Variants in EYA1 observed in about 807,000 individuals in gnomAD.
The protein encoded by EYA1 is protein phosphatase EYA1.
Under a neutral mutation model 82.0 loss-of-function variants are expected in EYA1, and 16 were observed. The ratio of observed to expected loss-of-function variants is 0.20; its 90% confidence interval spans 0.13 to 0.30. The LOEUF is 0.30. Among genes scored for constraint, EYA1 ranks in the 10% least tolerant of loss-of-function variants. EYA1 has a pLI of 1.00. For missense variants in EYA1, 633 were observed against 730.7 expected (o/e 0.87, Z 1.54); for synonymous variants, 261 against 264.4 (o/e 0.99, Z 0.12).
chr8:71,316,119 A>C (rs145713316), intron 7 of EYA1, among the ~76,000 whole-genome samples: 2 of 152,296 alleles, frequency 1.3e-5, no homozygotes, highest in African/African-American at 4.8e-5. Flanking sequence ...GTTTTTTCTA[A>C]ATGTGTGTAA....
intron 11 of EYA1, among the ~76,000 whole-genome samples, chr8:71,268,626 G>C (rs757935234): frequency 2.6e-5 from 4 of 152,118 alleles, no homozygotes; most frequent in African/African-American, 9.7e-5. Context: ...GAGACATACT[G>C]TGTTTTACCG....
chr8:71,215,181 A>G (rs1409708747), intron 16 of EYA1, among the ~76,000 whole-genome samples: 1 of 152,208 alleles, frequency 6.6e-6, no homozygotes, highest in Non-Finnish European at 1.5e-5. Context: ...TAGCCAGTCA[A>G]GTAAAATTTT....
intron 2 of EYA1, chr8:71,531,411 T>A (rs1055243148): frequency 6.6e-6 from 1 of 152,194 alleles, no homozygotes; most frequent in African/African-American, 2.4e-5. Context: ...AAATGTAGTT[T>A]CCAAAAAACT....
chr8:71,482,873 G>A (rs1396746703), intron 2 of EYA1, among the ~76,000 whole-genome samples: 2 of 152,088 alleles, frequency 1.3e-5, no homozygotes, highest in Non-Finnish European at 2.9e-5. Flanking sequence ...TACCTTTGTG[G>A]GTATCAGCTG....
At chr8:71,320,539 A>C (rs1822420723) in intron 6 of EYA1, among the ~76,000 whole-genome samples, 1 of 152,190 alleles carries the variant, frequency 6.6e-6, no homozygotes, top group South Asian at 2.1e-4. Flanking sequence ...AGTTATGGAA[A>C]AGAGAGATAG....
chr8:71,459,982 A>C (rs1808241147), intron 2 of EYA1, among the ~76,000 whole-genome samples: 1 of 152,180 alleles, frequency 6.6e-6, no homozygotes, highest in African/African-American at 2.4e-5. Flanking sequence ...GATTTAAGTA[A>C]TTTTCATCAC....
intron 3 of EYA1, among the ~76,000 whole-genome samples, chr8:71,339,766 T>C (rs938827341): frequency 6.6e-6 from 1 of 152,236 alleles, no homozygotes; most frequent in African/African-American, 2.4e-5. Flanking sequence ...ATCCTAACTT[T>C]CCTCCATGGT....
At chr8:71,462,928 C>T (rs1342286684) in intron 2 of EYA1, among the ~76,000 whole-genome samples, 1 of 152,186 alleles carries the variant, frequency 6.6e-6, no homozygotes, top group Non-Finnish European at 1.5e-5. Flanking sequence ...CTGTGGATAT[C>T]CCCGCCACTG....
intron 11 of EYA1, among the ~76,000 whole-genome samples, chr8:71,248,791 A>G (rs1376037492): frequency 6.6e-6 from 1 of 152,226 alleles, no homozygotes; most frequent in African/African-American, 2.4e-5. Flanking sequence ...CTAAAGTCTC[A>G]TACGAGTACA....
At chr8:71,448,864 C>A in intron 2 of EYA1, 2 of 169,774 alleles carry the variant, frequency 1.2e-5, no homozygotes, top group South Asian at 3.5e-4. Flanking sequence ...TGCATATGAT[C>A]AAATAGGAGA....
intron 2 of EYA1, among the ~76,000 whole-genome samples, chr8:71,427,723 TAG>T (rs1418031633): frequency 2.0e-5 from 3 of 152,184 alleles, no homozygotes; most frequent in African/African-American, 7.2e-5. Flanking sequence ...CAAAAATTAT[TAG>T]AGATGGAGCA....
At chr8:71,309,508 A>G (rs193094295) in intron 7 of EYA1, among the ~76,000 whole-genome samples, 174 of 152,368 alleles carry the variant, frequency 1.1e-3, no homozygotes, top group Admixed American at 3.9e-3. Context: ...AGAAAGTACA[A>G]ATCTCAAATG....
chr8:71,496,308 T>A (rs965666980), intron 2 of EYA1, among the ~76,000 whole-genome samples: 1 of 152,240 alleles, frequency 6.6e-6, no homozygotes, highest in Non-Finnish European at 1.5e-5. Context: ...GTCATAGCCT[T>A]AATCACAGTC....
At chr8:71,271,588 A>G (rs1261132143) in intron 10 of EYA1, among the ~76,000 whole-genome samples, 170 bp downstream of exon 10, 2 of 152,264 alleles carry the variant, frequency 1.3e-5, no homozygotes, top group Admixed American at 6.5e-5. Context: ...CTTAACCTAT[A>G]GTTAATAAAG....
At chr8:71,514,562 C>T (rs1231162615) in intron 2 of EYA1, among the ~76,000 whole-genome samples, 1 of 152,082 alleles carries the variant, frequency 6.6e-6, no homozygotes, top group African/African-American at 2.4e-5. Context: ...AGAATCATGG[C>T]GGGATGTGAA....
At chr8:71,319,415 C>T (rs1374160217) in intron 6 of EYA1, among the ~76,000 whole-genome samples, 1 of 152,166 alleles carries the variant, frequency 6.6e-6, no homozygotes, top group Non-Finnish European at 1.5e-5. Flanking sequence ...CAGGTGTGAG[C>T]CACTGCGCCT....
intron 7 of EYA1, among the ~76,000 whole-genome samples, chr8:71,316,346 A>C (rs1334396052): frequency 3.3e-5 from 5 of 152,192 alleles, no homozygotes; most frequent in Non-Finnish European, 7.4e-5. Context: ...AATGTCAAAT[A>C]GTAGGGAACT....
At chr8:71,346,431 A>AATATATATATCTATATAT (rs1554561504) in intron 3 of EYA1, among the ~76,000 whole-genome samples, 1 of 105,492 alleles carries the variant, frequency 9.5e-6, no homozygotes, top group African/African-American at 3.4e-5. Flanking sequence ...TACTGCAGTG[A>AATATATATATCTATATAT]ATATATATAT....
chr8:71,500,460 T>C (rs1003670271), intron 2 of EYA1, among the ~76,000 whole-genome samples: 1 of 152,168 alleles, frequency 6.6e-6, no homozygotes, highest in Non-Finnish European at 1.5e-5. Context: ...AGCACTGCTT[T>C]GTCCTTTCAC....
Sources: allele counts gnomAD v4.1 joint callset (sites outside exome capture counted in the v4.1 genomes callset), GRCh38; gene constraint gnomAD v4.1.1; transcripts MANE v1.5; gene names NCBI Gene and HGNC (gene_info 2026-07-23, HGNC 2026-07-21).